COL6A5: variants seen among roughly 807,000 people sequenced by gnomAD.
COL6A5 encodes the protein collagen type VI alpha 5 chain, also known as collagen alpha-5(VI) chain.
A neutral mutation model predicts 65.6 loss-of-function variants in COL6A5; 48 were observed. The observed-to-expected ratio is 0.73, with a 90% confidence interval of 0.58 to 0.93. COL6A5 has a LOEUF of 0.93. Among genes scored for constraint, COL6A5 ranks in the 40% least tolerant of loss-of-function variants. The pLI, the probability that COL6A5 is intolerant of heterozygous loss-of-function variation, is 0.00. For missense variants in COL6A5, 914 were observed against 928.3 expected (o/e 0.98, Z 0.20); for synonymous variants, 291 against 322.8 (o/e 0.90, Z 1.05).
chr3:130,409,735 G>A (rs1937112708), intron 18 of COL6A5, among the ~76,000 whole-genome samples: 2 of 152,088 alleles, frequency 1.3e-5, no homozygotes, highest in South Asian at 2.1e-4. Flanking sequence ...AAGAATATTT[G>A]AACCAGTGCA....
intron 4 of COL6A5, among the ~76,000 whole-genome samples, chr3:130,382,727 G>C (rs934097039): frequency 1.5e-4 from 23 of 152,062 alleles, no homozygotes; most frequent in African/African-American, 5.6e-4. Context: ...CTTAGTCCCT[G>C]CTATATCTAC....
chr3:130,480,882 A>G (rs1710220582), intron 7 of COL6A5, among the ~76,000 whole-genome samples: 1 of 152,104 alleles, frequency 6.6e-6, no homozygotes, highest in African/African-American at 2.4e-5. Flanking sequence ...CCAGTAAGGA[A>G]GGAAGCAAGA....
chr3:130,435,581 G>A (rs1938007367), intron 1 of COL6A5, among the ~76,000 whole-genome samples: 1 of 152,022 alleles, frequency 6.6e-6, no homozygotes, highest in South Asian at 2.1e-4. Context: ...AGGATGGAAT[G>A]TTTTCCATCT....
At chr3:130,451,037 G>A (rs1394466955) in intron 4 of COL6A5, among the ~76,000 whole-genome samples, 4 of 152,136 alleles carry the variant, frequency 2.6e-5, no homozygotes, top group Admixed American at 2.6e-4. Flanking sequence ...AGGAAGTAAA[G>A]TGACCTCCAT....
intron 1 of COL6A5, among the ~76,000 whole-genome samples, chr3:130,347,888 A>C (rs544292237): frequency 6.6e-6 from 1 of 152,172 alleles, no homozygotes; most frequent in African/African-American, 2.4e-5. Context: ...GGAGTTGGGC[A>C]CTGGGCAAAG....
intron 7 of COL6A5, among the ~76,000 whole-genome samples, chr3:130,476,509 G>T (rs1342049117): frequency 6.6e-6 from 1 of 151,926 alleles, no homozygotes; most frequent in Non-Finnish European, 1.5e-5. Flanking sequence ...TTATTTTTTT[G>T]AAAAGTCCAA....
intron 5 of COL6A5, among the ~76,000 whole-genome samples, chr3:130,465,155 G>A (rs568990886): frequency 2.2e-4 from 33 of 152,066 alleles, no homozygotes; most frequent in Admixed American, 5.2e-4. Context: ...TCAGGACATG[G>A]TACAAGAAGA....
At position 130,451,624 on chromosome 3, in the gene COL6A5, G is replaced by A. The variant is rs571617376; in HGVS notation, c.1333-3831G>A. Among the ~76,000 whole-genome samples, 13 of 151,912 alleles carry A rather than the reference G, an allele frequency of 8.6e-5. No individual in the cohort carries two copies. The South Asian group carries it at 2.7e-3, about 31-fold the overall frequency. On this transcript the variant is annotated intron_variant, in intron 4 of 7. Transcript: ENST00000512836. ...ATAATTAGCATATATATGATCCTGG[G>A]CTGTGTGAGTCGGGGCTGCAGGAGT...
intron 13 of COL6A5, among the ~76,000 whole-genome samples, chr3:130,404,638 G>A (rs910143522): frequency 3.3e-5 from 5 of 152,200 alleles, no homozygotes; most frequent in Non-Finnish European, 7.3e-5. Flanking sequence ...GCCTGGCTGA[G>A]CCCACCACTG....
intron 5 of COL6A5, among the ~76,000 whole-genome samples, chr3:130,388,137 T>C (rs1037926337): frequency 1.2e-4 from 18 of 152,114 alleles, no homozygotes; most frequent in Admixed American, 6.6e-4. Flanking sequence ...AAAATAATGC[T>C]ATTTAAAAAT....
At chr3:130,388,048 C>T (rs1936260359) in intron 5 of COL6A5, among the ~76,000 whole-genome samples, 1 of 151,830 alleles carries the variant, frequency 6.6e-6, no homozygotes, top group Non-Finnish European at 1.5e-5. Context: ...TACTGAAGCA[C>T]TTATCTCTAG....
chr3:130,468,072 C>G (rs1458295091), intron 5 of COL6A5, among the ~76,000 whole-genome samples: 1 of 151,932 alleles, frequency 6.6e-6, no homozygotes, highest in Non-Finnish European at 1.5e-5. Context: ...GAATGTAAAT[C>G]AAGGCAATGT....
intron 3 of COL6A5, among the ~76,000 whole-genome samples, chr3:130,441,384 C>A (rs1250421163): frequency 2.0e-5 from 3 of 152,110 alleles, no homozygotes; most frequent in African/African-American, 4.8e-5. Flanking sequence ...TGGCTCTAGG[C>A]CAGTGCACTA....
At chr3:130,431,933 T>C (rs1180276869) in exon 1 of COL6A5, 1 of 1,549,670 alleles carries the variant, frequency 6.5e-7, no homozygotes, top group South Asian at 1.2e-5. Flanking sequence ...GAGAGAGTTT[T>C]CCTTGAAGCT....
At chr3:130,404,294 A>C (rs1367679728) in intron 13 of COL6A5, among the ~76,000 whole-genome samples, 2 of 152,230 alleles carry the variant, frequency 1.3e-5, no homozygotes, top group African/African-American at 2.4e-5. Context: ...TGGCTCTGTT[A>C]GGGATGGAAA....
exon 4 of COL6A5, chr3:130,379,710 G>C: frequency 1.9e-6 from 3 of 1,551,458 alleles, no homozygotes; most frequent in Non-Finnish European, 2.6e-6. Flanking sequence ...CCATTGATCA[G>C]ATGAGAAGAG....
intron 1 of COL6A5, among the ~76,000 whole-genome samples, chr3:130,363,251 T>G (rs1163323513): frequency 1.3e-5 from 2 of 152,228 alleles, no homozygotes; most frequent in African/African-American, 4.8e-5. Flanking sequence ...ACTATACTGC[T>G]TCACAGGTAG....
At chr3:130,380,755 TG>T (rs1935968788) in intron 4 of COL6A5, among the ~76,000 whole-genome samples, 1 of 152,146 alleles carries the variant, frequency 6.6e-6, no homozygotes, top group Non-Finnish European at 1.5e-5. Flanking sequence ...CATAGACAAT[TG>T]GGTAACTTTT....
chr3:130,409,497 G>A, intron 18 of COL6A5, 109 bp downstream of exon 18: 1 of 910,118 alleles, frequency 1.1e-6, no homozygotes, highest in Non-Finnish European at 1.6e-6. Context: ...GTTGTCTTAG[G>A]AGTAGGGGTG....
Sources: allele counts gnomAD v4.1 joint callset (sites outside exome capture counted in the v4.1 genomes callset), GRCh38; gene constraint gnomAD v4.1.1; transcripts MANE v1.5; gene names NCBI Gene and HGNC (gene_info 2026-07-23, HGNC 2026-07-21).